HMBOX1: variants seen among roughly 807,000 people sequenced by gnomAD.
HMBOX1 encodes the protein homeobox-containing protein 1.
A neutral mutation model predicts 54.5 loss-of-function variants in HMBOX1; 14 were observed. That is an observed-to-expected ratio of 0.26 (90% confidence interval 0.17 to 0.40). The LOEUF (loss-of-function observed/expected upper bound fraction) is 0.40. Ranked by LOEUF, HMBOX1 falls within the 10% of genes least tolerant of loss-of-function variation. The pLI is 1.00. For synonymous variants in HMBOX1, 160 were observed against 181.0 expected (o/e 0.88, Z 0.93); for missense variants, 332 against 514.4 (o/e 0.65, Z 3.43).
intron 1 of HMBOX1, among the ~76,000 whole-genome samples, chr8:28,900,271 A>AAAAATATATAT (rs747317282): frequency 1.4e-5 from 1 of 70,334 alleles, no homozygotes; most frequent in Non-Finnish European, 2.9e-5. Context: ...AAAAAAAAAA[A>AAAAATATATAT]ATATATATAT....
chr8:28,931,673 C>T (rs1209322428), intron 1 of HMBOX1, among the ~76,000 whole-genome samples: 1 of 152,094 alleles, frequency 6.6e-6, no homozygotes, highest in East Asian at 1.9e-4. Flanking sequence ...TCCCAAGTAG[C>T]TGGGACCACA....
intron 4 of HMBOX1, among the ~76,000 whole-genome samples, chr8:28,990,047 C>G (rs1041983215): frequency 6.6e-6 from 1 of 152,098 alleles, no homozygotes; most frequent in Non-Finnish European, 1.5e-5. Context: ...GACCTGTGAA[C>G]TTGCTTAACT....
chr8:28,902,561 A>G (rs190555349), intron 1 of HMBOX1, among the ~76,000 whole-genome samples: 6 of 152,286 alleles, frequency 3.9e-5, no homozygotes, highest in Admixed American at 1.3e-4. Context: ...TGGGGAAAAC[A>G]TAATGTCTCC....
chr8:28,924,977 A>G (rs1001769293), intron 1 of HMBOX1, among the ~76,000 whole-genome samples: 3 of 150,552 alleles, frequency 2.0e-5, no homozygotes, highest in Non-Finnish European at 3.0e-5. Context: ...TGAATTACAT[A>G]TAAGAGCAGA....
rs569947195 is a variant in HMBOX1, at chr8:28,892,905, C to G, written c.-58+2227C>G. The stretch of plus-strand genomic sequence containing the variant: ...AAAACCAGAGAAAAATCCTACGTAA[C>G]TACTTAACGGAGTGTTTTGTTTTAT... On this transcript the variant is annotated intron_variant, in intron 1 of 9. Coordinates refer to ENST00000287701, the MANE Select transcript of HMBOX1 (RefSeq NM_001135726.3). Among the ~76,000 whole-genome samples the G allele has an allele frequency of 5.3e-5, 8 of 152,226 alleles. No individual in the cohort carries two copies. The East Asian group carries it at 1.2e-3, about 22-fold the overall frequency.
intron 6 of HMBOX1, among the ~76,000 whole-genome samples, chr8:29,022,784 G>C (rs1801387789): frequency 6.8e-6 from 1 of 147,046 alleles, no homozygotes; most frequent in East Asian, 2.1e-4. Context: ...TTAGAAGAGA[G>C]GTAGAAGCTA....
At chr8:28,898,065 A>G (rs898920443) in intron 1 of HMBOX1, among the ~76,000 whole-genome samples, 2 of 152,212 alleles carry the variant, frequency 1.3e-5, no homozygotes, top group Non-Finnish European at 2.9e-5. Context: ...GTCTTAAAAG[A>G]TGAGGCTGTT....
chr8:29,002,909 T>C (rs1832856361), intron 4 of HMBOX1, among the ~76,000 whole-genome samples: 2 of 152,320 alleles, frequency 1.3e-5, no homozygotes, highest in African/African-American at 2.4e-5. Flanking sequence ...CGCTTTTCTC[T>C]TAATTTTTCC....
intron 1 of HMBOX1, among the ~76,000 whole-genome samples, chr8:28,962,153 A>G (rs1191486277): frequency 6.6e-6 from 1 of 152,174 alleles, no homozygotes; most frequent in African/African-American, 2.4e-5. Context: ...TCAATTAGAA[A>G]AAAATAATCT....
intron 1 of HMBOX1, among the ~76,000 whole-genome samples, chr8:28,929,471 A>G (rs1469734262): frequency 3.9e-5 from 6 of 152,200 alleles, no homozygotes; most frequent in Admixed American, 3.9e-4. Context: ...GACAGATGAC[A>G]AATGCCAGAA....
intron 1 of HMBOX1, among the ~76,000 whole-genome samples, chr8:28,936,065 T>C (rs1044127171): frequency 6.6e-6 from 1 of 152,128 alleles, no homozygotes; most frequent in African/African-American, 2.4e-5. Flanking sequence ...ACCATTGTTA[T>C]TATACATAGT....
At chr8:28,957,948 A>C (rs984290970) in intron 1 of HMBOX1, among the ~76,000 whole-genome samples, 1 of 152,190 alleles carries the variant, frequency 6.6e-6, no homozygotes, top group Non-Finnish European at 1.5e-5. Flanking sequence ...TTAAATTGAA[A>C]GGAAAACCTT....
chr8:29,006,682 A>G (rs1229048143), intron 4 of HMBOX1, among the ~76,000 whole-genome samples: 1 of 152,076 alleles, frequency 6.6e-6, no homozygotes, highest in Non-Finnish European at 1.5e-5. Flanking sequence ...TTTGTTATAT[A>G]AATATACTCT....
chr8:28,899,612 A>G (rs933735646), intron 1 of HMBOX1, among the ~76,000 whole-genome samples: 5 of 152,238 alleles, frequency 3.3e-5, no homozygotes, highest in Non-Finnish European at 5.9e-5. Flanking sequence ...GGTCAATCCA[A>G]TGTCCAGTCA....
chr8:28,931,609 A>G (rs1819480275), intron 1 of HMBOX1, among the ~76,000 whole-genome samples: 1 of 152,088 alleles, frequency 6.6e-6, no homozygotes, highest in South Asian at 2.1e-4. Flanking sequence ...TGTTACAATC[A>G]CATCTCACTG....
chr8:29,009,488 T>C, intron 5 of HMBOX1: 1 of 969,710 alleles, frequency 1.0e-6, no homozygotes, highest in South Asian at 4.8e-5. Flanking sequence ...GATTTTGTTT[T>C]CTTCAACTAC....
chr8:28,973,515 A>C (rs573661604), intron 3 of HMBOX1, among the ~76,000 whole-genome samples: 26 of 152,182 alleles, frequency 1.7e-4, no homozygotes, highest in Non-Finnish European at 2.8e-4. Flanking sequence ...GGAATGTTAG[A>C]GAAATATTTT....
At chr8:28,907,585 T>G (rs1814574343) in intron 1 of HMBOX1, among the ~76,000 whole-genome samples, 1 of 152,176 alleles carries the variant, frequency 6.6e-6, no homozygotes, top group African/African-American at 2.4e-5. Flanking sequence ...AGTGATTTGT[T>G]ATGTGCCTCT....
rs548652349 is a variant in HMBOX1, at chr8:28,926,302, T to TACACAC, written c.-58+35625_-58+35626insCACACA. On this transcript the variant is annotated intron_variant, in intron 1 of 9. Coordinates refer to ENST00000287701, the MANE Select transcript of HMBOX1 (RefSeq NM_001135726.3). ...TGGCAGATATATATATATATATATA[T>TACACAC]ATACACACACACACACACACATATA... Among the ~76,000 whole-genome samples, 292 of 143,592 alleles carry TACACAC rather than the reference T, an allele frequency of 2.0e-3. 2 individuals carry two copies. The highest frequency in any genetic ancestry group is 7.2e-3 in the African/African-American group (267 of 36,926). 94.2% of individuals were successfully genotyped at this position (143,592 alleles called of 152,430 possible).
Sources: allele counts gnomAD v4.1 joint callset (sites outside exome capture counted in the v4.1 genomes callset), GRCh38; gene constraint gnomAD v4.1.1; transcripts MANE v1.5; gene names NCBI Gene and HGNC (gene_info 2026-07-23, HGNC 2026-07-21).